The following SUMF1 variants were observed in gnomAD, a reference collection of about 807,000 sequenced individuals.
The protein encoded by SUMF1 is formylglycine-generating enzyme.
A neutral mutation model predicts 47.6 loss-of-function variants in SUMF1; 48 were observed. The ratio of observed to expected loss-of-function variants is 1.01; its 90% CI spans 0.80 to 1.28. The LOEUF is 1.28. Ranked by LOEUF, SUMF1 falls within the 50% of genes most tolerant of loss-of-function variation. SUMF1 has a pLI of 0.00. For missense variants in SUMF1, 571 were observed against 485.4 expected, an observed-to-expected ratio of 1.18 and a Z score of -1.66; for synonymous variants, 230 against 192.1, an observed-to-expected ratio of 1.20 and a Z score of -1.63.
intron 8 of SUMF1, among the ~76,000 whole-genome samples, chr3:4,322,403 A>G (rs1194818167): frequency 2.0e-5 from 3 of 152,062 alleles, no homozygotes; most frequent in African/African-American, 7.2e-5. Flanking sequence ...AATAGGGGAA[A>G]CTGGCTATGG....
intron 8 of SUMF1, among the ~76,000 whole-genome samples, chr3:4,089,773 T>C (rs1692745655): frequency 6.6e-6 from 1 of 152,184 alleles, no homozygotes; most frequent in Non-Finnish European, 1.5e-5. Context: ...TTCATTTTCC[T>C]ACATGTTGAT....
At chr3:4,062,201 C>G (rs1007324739) in intron 9 of SUMF1, among the ~76,000 whole-genome samples, 4 of 152,128 alleles carry the variant, frequency 2.6e-5, no homozygotes. Flanking sequence ...AAGCTGACAG[C>G]TATTCTCACT....
chr3:4,218,662 G>A (rs530027249), intron 8 of SUMF1, among the ~76,000 whole-genome samples: 1 of 152,304 alleles, frequency 6.6e-6, no homozygotes, highest in African/African-American at 2.4e-5. Flanking sequence ...TCAAATGTCA[G>A]ACTTCGTGTG....
At chr3:4,179,879 C>T (rs997566150) in intron 8 of SUMF1, among the ~76,000 whole-genome samples, 2 of 152,092 alleles carry the variant, frequency 1.3e-5, no homozygotes, top group Non-Finnish European at 2.9e-5. Flanking sequence ...AAAAAGTGGG[C>T]AAAGGATATG....
intron 8 of SUMF1, among the ~76,000 whole-genome samples, chr3:4,236,606 TAAAC>T (rs1345093705): frequency 6.6e-6 from 1 of 151,344 alleles, no homozygotes; most frequent in Non-Finnish European, 1.5e-5. Context: ...AATAAATAAA[TAAAC>T]AAACTTTGTT....
chr3:4,418,971 C>G lies in SUMF1; in HGVS notation c.603-839G>C, dbSNP rs76437313. Among the ~76,000 whole-genome samples the G allele has an allele frequency of 1.9e-3, 290 of 152,250 alleles. 2 individuals carry two copies. The highest frequency in any genetic ancestry group is 6.8e-3 in the African/African-American group (281 of 41,546). ...TCCATTCCTTATACACCTTTGAATT[C>G]CCCACAGTAATTACACCAGGCCTTT... On this transcript the variant is annotated intron_variant, in intron 4 of 8. Transcript: ENST00000272902.
At chr3:4,058,483 G>C (rs1461044134) in intron 9 of SUMF1, among the ~76,000 whole-genome samples, 1 of 152,082 alleles carries the variant, frequency 6.6e-6, no homozygotes, top group Non-Finnish European at 1.5e-5. Flanking sequence ...ACATAAGGAA[G>C]GTGCCTAGAT....
intron 9 of SUMF1, among the ~76,000 whole-genome samples, chr3:4,054,541 AT>A (rs1336360657): frequency 6.6e-6 from 1 of 152,088 alleles, no homozygotes; most frequent in African/African-American, 2.4e-5. Context: ...ATTCAGGTGT[AT>A]GTTTATGTGC....
intron 8 of SUMF1, among the ~76,000 whole-genome samples, chr3:4,279,062 AT>A (rs1697477864): frequency 6.6e-6 from 1 of 151,930 alleles, no homozygotes; most frequent in South Asian, 2.1e-4. Context: ...GGATTGGAAA[AT>A]TTTTTTTAAA....
chr3:4,134,959 C>T (rs1219779975), intron 8 of SUMF1, among the ~76,000 whole-genome samples: 2 of 152,114 alleles, frequency 1.3e-5, no homozygotes, highest in African/African-American at 2.4e-5. Context: ...ATAACAGGCT[C>T]TGAAATTGTG....
chr3:4,137,365 T>C (rs985228848), intron 8 of SUMF1, among the ~76,000 whole-genome samples: 1 of 151,388 alleles, frequency 6.6e-6, no homozygotes, highest in Non-Finnish European at 1.5e-5. Context: ...AGCAAACTAT[T>C]GCAAGAACAA....
At chr3:4,388,763 A>T (rs1700755326) in intron 7 of SUMF1, among the ~76,000 whole-genome samples, 1 of 152,096 alleles carries the variant, frequency 6.6e-6, no homozygotes, top group South Asian at 2.1e-4. Context: ...TAAAAGGTGT[A>T]TGCATATTCA....
intron 3 of SUMF1, among the ~76,000 whole-genome samples, chr3:4,430,817 T>C (rs1020168259): frequency 6.6e-6 from 1 of 152,060 alleles, no homozygotes; most frequent in African/African-American, 2.4e-5. Flanking sequence ...CAGTGCTTCC[T>C]GCGGGAGGTA....
chr3:4,089,474 T>C (rs1390333295), intron 8 of SUMF1, among the ~76,000 whole-genome samples: 1 of 152,132 alleles, frequency 6.6e-6, no homozygotes, highest in Non-Finnish European at 1.5e-5. Flanking sequence ...AATACAAACA[T>C]TGTTTTCAGG....
chr3:4,216,394 G>T (rs186602994), intron 8 of SUMF1, among the ~76,000 whole-genome samples: 2 of 152,132 alleles, frequency 1.3e-5, no homozygotes, highest in African/African-American at 4.8e-5. Flanking sequence ...ATTAACTCAA[G>T]ATGTATTACA....
At chr3:4,211,009 T>C (rs978569642) in intron 8 of SUMF1, among the ~76,000 whole-genome samples, 3 of 150,254 alleles carry the variant, frequency 2.0e-5, no homozygotes, top group Middle Eastern at 3.4e-3. Flanking sequence ...TTCTTCAGCT[T>C]TGGGACTCAG....
At chr3:4,054,960 C>T (rs17039742) in intron 9 of SUMF1, among the ~76,000 whole-genome samples, 6,216 of 152,114 alleles carry the variant, frequency 0.041, 451 homozygotes, top group African/African-American at 0.14. Flanking sequence ...AACCAATGTA[C>T]GCCCAGGGTC....
At chr3:4,128,610 G>C (rs1693714088) in intron 8 of SUMF1, among the ~76,000 whole-genome samples, 1 of 152,142 alleles carries the variant, frequency 6.6e-6, no homozygotes, top group Non-Finnish European at 1.5e-5. Flanking sequence ...TATCACTAAA[G>C]TACCGACAGG....
chr3:4,101,837 A>C (rs1415913688), intron 8 of SUMF1, among the ~76,000 whole-genome samples: 1 of 152,160 alleles, frequency 6.6e-6, no homozygotes, highest in Non-Finnish European at 1.5e-5. Flanking sequence ...CACTGCTATA[A>C]AGAACTACCT....
Sources: allele counts gnomAD v4.1 joint callset (sites outside exome capture counted in the v4.1 genomes callset), GRCh38; gene constraint gnomAD v4.1.1; transcripts MANE v1.5; gene names NCBI Gene and HGNC (gene_info 2026-07-23, HGNC 2026-07-21).